The following ABR variants were observed in gnomAD, a reference collection of about 807,000 sequenced individuals.
ABR encodes the protein active breakpoint cluster region-related protein.
ABR carries 35 observed loss-of-function variants against 107.2 expected under a neutral mutation model. That is an observed-to-expected ratio of 0.33 (90% CI 0.25 to 0.43). The LOEUF (loss-of-function observed/expected upper bound fraction) is 0.43, where lower values mean the gene tolerates loss of function less well. Ranked by LOEUF, ABR falls within the 20% of genes least tolerant of loss-of-function variation. The probability of loss-of-function intolerance (pLI) is 1.00; values close to 1 mark genes in which losing one functional copy is unlikely to be tolerated. For missense variants in ABR, 815 were observed against 1,115.2 expected (o/e 0.73, Z 3.83); for synonymous variants, 498 against 462.0 (o/e 1.08, Z -1.00).
chr17:1,225,110 C>G (rs1315696760), intron 1 of ABR, among the ~76,000 whole-genome samples: 1 of 148,600 alleles, frequency 6.7e-6, no homozygotes, highest in African/African-American at 2.5e-5. Flanking sequence ...GATGGCACCA[C>G]TGCACTCCAG....
chr17:1,081,621 G>C (rs563154090), intron 5 of ABR, among the ~76,000 whole-genome samples: 29 of 152,090 alleles, frequency 1.9e-4, no homozygotes, highest in Admixed American at 9.8e-4. Flanking sequence ...TCTGTCACCA[G>C]ACTGGAGTGC....
At chr17:1,023,968 T>C (rs959914341) in intron 16 of ABR, among the ~76,000 whole-genome samples, 3 of 132,412 alleles carry the variant, frequency 2.3e-5, no homozygotes, top group Admixed American at 9.4e-5. Context: ...GAGGTTGCGG[T>C]GAGCCGAGAT....
chr17:1,129,970 A>G (rs1160166328), intron 1 of ABR, among the ~76,000 whole-genome samples: 1 of 152,136 alleles, frequency 6.6e-6, no homozygotes, highest in African/African-American at 2.4e-5. Context: ...AACCAACAAC[A>G]AAAAAACCAA....
intron 2 of ABR, chr17:1,109,009 C>T (rs138741182): frequency 4.6e-5 from 74 of 1,598,206 alleles, no homozygotes; most frequent in East Asian, 2.1e-4. Context: ...CCAGGAGAAA[C>T]ACATCTTCGT....
rs965587836 is a variant in ABR at position 1,078,923 on chromosome 17, G to T, written c.700+407C>A. 1 of 1,531,830 alleles carries T rather than the reference G, an allele frequency of 6.5e-7. No homozygotes were observed. The highest frequency in any genetic ancestry group is 1.4e-5 in the African/African-American group (1 of 72,946). 94.9% of individuals were successfully genotyped at this position (1,531,830 alleles called of 1,614,324 possible). ...GCTCCAGGCTCCCCGGCGCCCACCA[G>T]CAGCCCGGCCACTCAGCCACCTTGC... is the stretch of plus-strand genomic sequence containing the variant. On this transcript the variant is annotated intron_variant, in intron 6 of 22. Coordinates refer to ENST00000302538, the MANE Select transcript of ABR (RefSeq NM_021962.5). The surrounding 1 kb of genome is among the most constrained non-coding windows in gnomAD (Gnocchi z 7.5).
chr17:1,031,547 CGCAG>C, intron 16 of ABR: 12 of 720,398 alleles, frequency 1.7e-5, no homozygotes, highest in East Asian at 3.7e-5. Context: ...CCCCGAGCCC[CGCAG>C]CGCCCCCGAG....
chr17:1,115,740 C>A (rs1278854057), intron 2 of ABR, among the ~76,000 whole-genome samples: 1 of 151,628 alleles, frequency 6.6e-6, no homozygotes, highest in African/African-American at 2.4e-5. Context: ...GCCTGGCCAA[C>A]GTGGTGAAAC....
At chr17:1,180,556 G>C (rs1185244867), upstream of ABR, among the ~76,000 whole-genome samples, 1 of 152,226 alleles carries the variant, frequency 6.6e-6, no homozygotes, top group Non-Finnish European at 1.5e-5. Flanking sequence ...GTGGGGCCAG[G>C]ACAGTCCCAC....
rs113951486 is a variant in ABR at position 1,011,772 on chromosome 17, C to G, written c.2101+74G>C. 3.6e-5 allele frequency: 53 copies of G among 1,484,528 alleles called. No individual in the cohort carries two copies. Among genetic ancestry groups the G allele is most frequent in the Non-Finnish European group, 4.2e-5 (47 of 1,114,546 alleles). 92.0% of individuals were successfully genotyped at this position (1,484,528 alleles called of 1,614,324 possible). ...TCTCCAGGGAGGCTCCTGGTTCCCC[C>G]GAGCTCTCCTGTCCATCCCACCAGC... is the stretch of plus-strand genomic sequence containing the variant. On this transcript the variant is annotated intron_variant, in intron 19 of 22. Transcript: ENST00000302538. This position sits in a 1 kb window ranked among gnomAD's most constrained non-coding sequence, Gnocchi z 4.8.
At chr17:1,046,539 G>A (rs144367217) in intron 16 of ABR, among the ~76,000 whole-genome samples, 2,167 of 152,258 alleles carry the variant, frequency 0.014, 45 homozygotes, top group African/African-American at 0.049. Context: ...GCTCTTTCCC[G>A]CACGTGCTCC....
At chr17:1,197,172 C>A (rs924468362) in intron 1 of ABR, among the ~76,000 whole-genome samples, 5 of 151,660 alleles carry the variant, frequency 3.3e-5, no homozygotes, top group Non-Finnish European at 7.4e-5. Flanking sequence ...CTGGCCCAGG[C>A]TCGGATGAGC....
intron 1 of ABR, among the ~76,000 whole-genome samples, chr17:1,135,977 G>A (rs1219060269): frequency 6.7e-6 from 1 of 149,036 alleles, no homozygotes; most frequent in Admixed American, 6.7e-5. Flanking sequence ...TTCTATTTCT[G>A]TGAAGAATAC....
At chr17:1,158,788 C>A (rs965755031) in intron 1 of ABR, among the ~76,000 whole-genome samples, 4 of 151,682 alleles carry the variant, frequency 2.6e-5, no homozygotes, top group African/African-American at 7.3e-5. Flanking sequence ...ATCAAAAGTG[C>A]GTAGGGCTAG....
intron 10 of ABR, among the ~76,000 whole-genome samples, chr17:1,061,884 A>G (rs1416932989): frequency 1.3e-5 from 2 of 152,204 alleles, no homozygotes; most frequent in Admixed American, 1.3e-4. Flanking sequence ...TATGAGGAAC[A>G]TGGAACAGAA....
At chr17:1,162,630 C>A (rs1352434879) in intron 1 of ABR, among the ~76,000 whole-genome samples, 1 of 152,274 alleles carries the variant, frequency 6.6e-6, no homozygotes, top group Non-Finnish European at 1.5e-5. Flanking sequence ...AGTGTGGCAT[C>A]TGCTTCCTGA....
intron 1 of ABR, among the ~76,000 whole-genome samples, chr17:1,130,222 G>A (rs576736669): frequency 2.0e-5 from 3 of 151,784 alleles, no homozygotes; most frequent in South Asian, 4.2e-4. Context: ...TCCTGCTCCC[G>A]GAAGAAGTCA....
At chr17:1,032,203 TG>T (rs2072863127) in intron 16 of ABR, among the ~76,000 whole-genome samples, 1 of 152,100 alleles carries the variant, frequency 6.6e-6, no homozygotes. Context: ...CACAAACAGC[TG>T]CCCTCCTCCC....
At chr17:1,017,090 G>T (rs2071223202) in intron 16 of ABR, among the ~76,000 whole-genome samples, 1 of 152,006 alleles carries the variant, frequency 6.6e-6, no homozygotes, top group South Asian at 2.1e-4. Context: ...GACAGAAGTT[G>T]GGTGTGTGCA....
chr17:1,118,018 TCCCCAGCGTTATCGCTGAGCCTGAGTTCC>T (rs2039116800), intron 2 of ABR, among the ~76,000 whole-genome samples: 4 of 33,444 alleles, frequency 1.2e-4, no homozygotes, highest in Non-Finnish European at 1.9e-4. Context: ...GCCTGAGTTC[TCCCCAGCGTTATCGCTGAGCCTGAGTTCC>T]TCCCAGCGTT....
Sources: gnomAD v4.1 joint callset for allele counts (sites outside exome capture counted in the v4.1 genomes callset) on GRCh38, gnomAD v4.1.1 for gene constraint, Gnocchi (gnomAD v3.1) non-coding constraint, MANE v1.5 for transcripts, NCBI Gene and HGNC (gene_info 2026-07-23, HGNC 2026-07-21) for gene names.